The following IGSF5 variants were observed in gnomAD, a reference collection of about 807,000 sequenced individuals.
IGSF5 encodes immunoglobulin superfamily 5 like.
In IGSF5, 41 loss-of-function variants were observed where a neutral mutation model predicts 39.4. The observed-to-expected ratio is 1.04, with a 90% CI of 0.81 to 1.35. The LOEUF is 1.35. Ranked by LOEUF, IGSF5 falls within the 40% of genes most tolerant of loss-of-function variation. The pLI is 0.00. For missense variants in IGSF5, 487 were observed against 494.6 expected, an observed-to-expected ratio of 0.98 and a Z score of 0.15; for synonymous variants, 183 against 175.3, an observed-to-expected ratio of 1.04 and a Z score of -0.34.
rs747012161 is a variant in IGSF5, at chr21:39,765,774, G to A, written c.340G>A (p.Glu114Lys). 3 of 1,614,092 alleles carry A rather than the reference G, an allele frequency of 1.9e-6. No homozygotes were observed. Among genetic ancestry groups the A allele is most frequent in the Non-Finnish European group, 2.5e-6 (3 of 1,180,002 alleles). The change falls in exon 3 of 9, where the codon GAG (glutamate) becomes AAG (lysine). Residue 114 changes from glutamate (E) to lysine (K), a missense_variant. Coordinates refer to ENST00000380588, the MANE Select transcript of IGSF5 (RefSeq NM_001080444.2). ...CTCGGAGATGATCATCCACAATGTG[G>A]AGCCCAGTGATTCGGGGAACATCAG... ...FTSEMIIHNVEPSDSGNIRCS... is the reference protein window; with the variant it reads ...FTSEMIIHNVKPSDSGNIRCS...
intron 2 of IGSF5, among the ~76,000 whole-genome samples, chr21:39,749,218 T>G (rs2079992020): frequency 1.3e-5 from 2 of 151,620 alleles, no homozygotes; most frequent in African/African-American, 2.4e-5. Flanking sequence ...AATAGGTTTT[T>G]TTTTTTTTTT....
Position 39,765,787 on chromosome 21 carries a change from C to T in IGSF5, c.353C>T (p.Ser118Leu), listed in dbSNP as rs780927418. ...ATCCACAATGTGGAGCCCAGTGATT[C>T]GGGGAACATCAGATGCAGCCTCCAG... Reference protein sequence around the residue: ...MIIHNVEPSDSGNIRCSLQNS... With the variant: ...MIIHNVEPSDLGNIRCSLQNS... Residue 118 changes from serine to leucine, a missense_variant, in exon 3 of 9, where the codon TCG becomes TTG. Coordinates refer to ENST00000380588, the MANE Select transcript of IGSF5 (RefSeq NM_001080444.2). 8.2e-5 allele frequency: 132 copies of T among 1,613,936 alleles called. No homozygotes were observed. The highest frequency in any genetic ancestry group is 4.7e-4 in the Admixed American group (28 of 59,996).
intron 8 of IGSF5, among the ~76,000 whole-genome samples, chr21:39,799,377 C>A (rs934220038): frequency 1.3e-5 from 2 of 152,238 alleles, no homozygotes; most frequent in African/African-American, 4.8e-5. Context: ...GTGCCAGGAA[C>A]ACACTGGGTT....
At chr21:39,776,809 T>G (rs759192137) in intron 4 of IGSF5, among the ~76,000 whole-genome samples, 2 of 152,182 alleles carry the variant, frequency 1.3e-5, no homozygotes, top group Non-Finnish European at 2.9e-5. Flanking sequence ...TCCTGTCTTA[T>G]GCCAGTGAGA....
intron 2 of IGSF5, among the ~76,000 whole-genome samples, chr21:39,751,558 G>A (rs1315658660): frequency 1.3e-5 from 2 of 148,168 alleles, no homozygotes; most frequent in Non-Finnish European, 3.0e-5. Context: ...AGTGAGTGTC[G>A]CTTTCACAGT....
chr21:39,744,466 A>T (rs1179724262), upstream of IGSF5, among the ~76,000 whole-genome samples: 1 of 152,132 alleles, frequency 6.6e-6, no homozygotes, highest in Non-Finnish European at 1.5e-5. Context: ...TTATTAGGCA[A>T]TTTTTCTAAC....
chr21:39,788,104 T>C lies in IGSF5; in HGVS notation c.935-63T>C. 3.8e-6 allele frequency: 5 copies of C among 1,310,426 alleles called. 1 individual carries two copies. Among genetic ancestry groups the C allele is most frequent in the South Asian group, 2.6e-5 (2 of 78,098 alleles). 81.2% of individuals were successfully genotyped at this position (1,310,426 alleles called of 1,614,324 possible). ...AAATAAGGGAGTGTATAAAAATTAA[T>C]GAGACTCGATTTTTAGAATAAGTAT... On this transcript the variant is annotated intron_variant, in intron 5 of 8. Coordinates refer to ENST00000380588, the MANE Select transcript of IGSF5 (RefSeq NM_001080444.2).
the IGSF5 span, among the ~76,000 whole-genome samples, chr21:39,727,369 T>G: frequency 1.3e-5 from 2 of 152,040 alleles, no homozygotes; most frequent in Admixed American, 1.3e-4. Context: ...GACAGATAAT[T>G]CCAGCTCTCA....
chr21:39,722,163 G>C, the IGSF5 span, among the ~76,000 whole-genome samples: 1 of 152,194 alleles, frequency 6.6e-6, no homozygotes, highest in African/African-American at 2.4e-5. Flanking sequence ...CACTGACTGA[G>C]TGGAAAGGGA....
chr21:39,796,904 T>C (rs1172759003), intron 8 of IGSF5, among the ~76,000 whole-genome samples: 1 of 152,214 alleles, frequency 6.6e-6, no homozygotes, highest in Non-Finnish European at 1.5e-5. Context: ...AAGCTCCTGC[T>C]TTGTCTTAAT....
intron 4 of IGSF5, 112 bp from the exon 5 acceptor site, chr21:39,778,978 C>G: frequency 7.8e-7 from 1 of 1,287,554 alleles, no homozygotes; most frequent in Admixed American, 2.3e-5. Context: ...CTAGCCATAG[C>G]AGGCTGAATA....
chr21:39,730,672 G>A, the IGSF5 span: 5 of 152,170 alleles, frequency 3.3e-5, no homozygotes, highest in African/African-American at 1.2e-4. Flanking sequence ...CTGTGATGTG[G>A]CAAGCCATGT....
At chr21:39,786,708 C>T (rs921219926) in intron 5 of IGSF5, among the ~76,000 whole-genome samples, 2 of 152,122 alleles carry the variant, frequency 1.3e-5, no homozygotes, top group African/African-American at 4.8e-5. Flanking sequence ...GGAACCAACC[C>T]ACATGTCCAA....
chr21:39,745,177 A>G (rs62235513), upstream of IGSF5, among the ~76,000 whole-genome samples: 1 of 137,380 alleles, frequency 7.3e-6, no homozygotes, highest in African/African-American at 2.6e-5. Context: ...CTCTCTCTCC[A>G]TCTCTCTCTC....
At chr21:39,794,529 T>C (rs1312714412) in intron 8 of IGSF5, among the ~76,000 whole-genome samples, 1 of 152,206 alleles carries the variant, frequency 6.6e-6, no homozygotes, top group African/African-American at 2.4e-5. Context: ...TTGGTTATCA[T>C]ACATGAATGA....
intron 3 of IGSF5, 57 bp from the exon 4 acceptor site, chr21:39,770,859 C>T: frequency 1.8e-6 from 2 of 1,120,300 alleles, no homozygotes; most frequent in South Asian, 3.1e-5. Context: ...AAAAAGAAAA[C>T]TTAGAAGCGA....
intron 4 of IGSF5, 75 bp downstream of exon 4, chr21:39,771,290 A>C: frequency 7.5e-7 from 1 of 1,338,034 alleles, no homozygotes; most frequent in Non-Finnish European, 9.9e-7. Flanking sequence ...ATGCTCCTTC[A>C]TCCACGATGC....
chr21:39,736,997 G>A, the IGSF5 span, among the ~76,000 whole-genome samples: 7 of 152,144 alleles, frequency 4.6e-5, no homozygotes, highest in Non-Finnish European at 8.8e-5. Context: ...TTGTTCTGGA[G>A]TTATTTGAAT....
chr21:39,779,925 C>T (rs67969662), intron 5 of IGSF5, among the ~76,000 whole-genome samples: 22,269 of 151,872 alleles, frequency 0.15, 2,236 homozygotes, highest in African/African-American at 0.29. Context: ...AGATGTTGGT[C>T]GAAGGGTACA....
Sources: gnomAD v4.1 joint callset for allele counts (sites outside exome capture counted in the v4.1 genomes callset) on GRCh38, gnomAD v4.1.1 for gene constraint, MANE v1.5 for transcripts, NCBI Gene and HGNC (gene_info 2026-07-23, HGNC 2026-07-21) for gene names.